SEZ6L: variants seen among roughly 807,000 people sequenced by gnomAD.
The protein encoded by SEZ6L is seizure related 6 homolog like.
SEZ6L carries 37 observed loss-of-function variants against 106.2 expected under a neutral mutation model. The ratio of observed to expected loss-of-function variants is 0.35; its 90% CI spans 0.27 to 0.46. The LOEUF (loss-of-function observed/expected upper bound fraction) is 0.46, where lower values mean the gene tolerates loss of function less well. Ranked by LOEUF, SEZ6L falls within the 20% of genes least tolerant of loss-of-function variation. The pLI, the probability that SEZ6L is intolerant of heterozygous loss-of-function variation, is 1.00. For synonymous variants in SEZ6L, 541 were observed against 570.4 expected, an observed-to-expected ratio of 0.95 and a Z score of 0.73; for missense variants, 1,172 against 1,332.8, an observed-to-expected ratio of 0.88 and a Z score of 1.88.
chr22:26,177,969 C>T (rs1939132627), intron 1 of SEZ6L, among the ~76,000 whole-genome samples: 1 of 152,186 alleles, frequency 6.6e-6, no homozygotes, highest in East Asian at 1.9e-4. Context: ...ACCCCTCACT[C>T]ATGTCTTCTG....
Position 26,238,659 on chromosome 22 carries a change from C to T in SEZ6L, c.95-53747C>T, listed in dbSNP as rs144382689. Among the ~76,000 whole-genome samples the T allele has an allele frequency of 1.8e-4, 27 of 152,300 alleles. 1 individual carries two copies. In the East Asian group the frequency reaches 5.0e-3, roughly 28 times the overall value. On this transcript the variant is annotated intron_variant, in intron 1 of 16. Transcript: ENST00000248933. ...TGGGCACCAACAATAAGCCAGGCTT[C>T]GCATAAGTTATTTCATTCAATATTC...
chr22:26,337,586 G>T (rs1032853248), intron 9 of SEZ6L, among the ~76,000 whole-genome samples: 7 of 152,146 alleles, frequency 4.6e-5, no homozygotes, highest in Non-Finnish European at 8.8e-5. Context: ...CTCTCTGGGA[G>T]GCTCTTTCAT....
At position 26,380,304 on chromosome 22, in the gene SEZ6L, A is replaced by G. The variant is rs1377441135; in HGVS notation, c.*9A>G. 6.2e-7 allele frequency: 1 copy of G among 1,612,324 alleles called. No individual in the cohort carries two copies. The highest frequency in any genetic ancestry group is 2.2e-5 in the East Asian group (1 of 44,872). On this transcript the variant is annotated 3_prime_UTR_variant, in exon 17 of 17. Coordinates refer to ENST00000248933, the MANE Select transcript of SEZ6L (RefSeq NM_021115.5). Reference sequence around the variant, plus strand: ...ATGAGGTTTCTATCTAAAGAGAGCTACACTTGAGAAGGGGACTTGTGAACT... The same window carrying G: ...ATGAGGTTTCTATCTAAAGAGAGCTGCACTTGAGAAGGGGACTTGTGAACT...
chr22:26,261,333 C>T (rs369475562), intron 1 of SEZ6L, among the ~76,000 whole-genome samples: 63 of 152,224 alleles, frequency 4.1e-4, no homozygotes, highest in African/African-American at 1.4e-3. Context: ...AAGGGTTATT[C>T]GATGTATCTT....
In SEZ6L at chr22:26,299,135, G is replaced by A. The variant is rs778009245; in HGVS notation, c.1314G>A (p.Lys438=). The part of the protein sequence containing the change: ...AKMLTCINAS[K]PHWSSQEPIC... ...TGCTGACATGCATCAATGCCTCCAA[G>A]CCGCACTGGAGCAGCCAGGAGCCCA... is the stretch of plus-strand genomic sequence containing the variant. Residue 438 remains lysine (K), a synonymous_variant, in exon 5 of 17, where the codon AAG becomes AAA. Transcript: ENST00000248933. 5.4e-5 allele frequency: 85 copies of A among 1,579,494 alleles called. No individual in the cohort carries two copies. The highest frequency in any genetic ancestry group is 6.8e-5 in the Non-Finnish European group (79 of 1,161,998).
intron 9 of SEZ6L, among the ~76,000 whole-genome samples, chr22:26,328,315 G>T (rs1308538320): frequency 6.6e-6 from 1 of 152,122 alleles, no homozygotes; most frequent in East Asian, 1.9e-4. Flanking sequence ...AATAGTTTTT[G>T]TAATAGAGGA....
Position 26,310,852 on chromosome 22 carries a change from A to T in SEZ6L, c.1681+16A>T. 1 of 1,611,976 alleles carries T rather than the reference A, an allele frequency of 6.2e-7. No individual in the cohort carries two copies. Among genetic ancestry groups the T allele is most frequent in the East Asian group, 2.2e-5 (1 of 44,830 alleles). On this transcript the variant is annotated intron_variant, in intron 7 of 16. Coordinates refer to ENST00000248933, the MANE Select transcript of SEZ6L (RefSeq NM_021115.5). ...CGATTTGAAGGTGAGGGTCCCTGGG[A>T]GCTTCCCTTTCTCTTGTGGGGCTGG...
intron 1 of SEZ6L, among the ~76,000 whole-genome samples, chr22:26,199,670 T>C (rs1328777887): frequency 2.6e-5 from 4 of 152,184 alleles, no homozygotes; most frequent in Non-Finnish European, 5.9e-5. Flanking sequence ...GAGGCAAGGA[T>C]TCATTTCAGA....
intron 1 of SEZ6L, among the ~76,000 whole-genome samples, chr22:26,218,534 G>A (rs1569390029): frequency 6.6e-6 from 1 of 152,244 alleles, no homozygotes; most frequent in Non-Finnish European, 1.5e-5. Context: ...GGGCGTGGTG[G>A]CTTACGCCTA....
At position 26,306,018 on chromosome 22, in the gene SEZ6L, G is replaced by T; in HGVS notation, c.1388G>T (p.Arg463Leu). The change falls in exon 6 of 17, where the codon CGC becomes CTC. Residue 463 changes from arginine to leucine, a missense_variant. Arg to Leu is a moderately radical substitution (Grantham distance 102). This residue lies in a region of SEZ6L where 534 missense variants were observed against 691.0 expected (regional missense o/e 0.77). Coordinates refer to ENST00000248933, the MANE Select transcript of SEZ6L (RefSeq NM_021115.5). ...GCAGTGCACAATGCCACCATCGGCC[G>T]CGTCCTCTCCCCAAGTTACCCTGAA... is the stretch of plus-strand genomic sequence containing the variant. ...GGAVHNATIG[R>L]VLSPSYPENT... 3.3e-6 allele frequency: 5 copies of T among 1,534,422 alleles called. No individual in the cohort carries two copies. Among genetic ancestry groups the T allele is most frequent in the Non-Finnish European group, 4.4e-6 (5 of 1,132,626 alleles).
At chr22:26,198,039 CA>C (rs1940692613) in intron 1 of SEZ6L, among the ~76,000 whole-genome samples, 1 of 152,166 alleles carries the variant, frequency 6.6e-6, no homozygotes. Context: ...TGGACTGGGG[CA>C]AAAGGAGAAG....
At chr22:26,369,916 C>A (rs899368083) in intron 13 of SEZ6L, among the ~76,000 whole-genome samples, 21 of 152,236 alleles carry the variant, frequency 1.4e-4, no homozygotes, top group Admixed American at 1.2e-3. Flanking sequence ...CATACCCGAC[C>A]TGAATTTATT....
At chr22:26,335,367 T>G (rs933129428) in intron 9 of SEZ6L, among the ~76,000 whole-genome samples, 3 of 152,220 alleles carry the variant, frequency 2.0e-5, no homozygotes, top group Non-Finnish European at 2.9e-5. Flanking sequence ...TCTGAAAATC[T>G]TATAACCCTA....
intron 1 of SEZ6L, among the ~76,000 whole-genome samples, chr22:26,217,896 C>T (rs184759763): frequency 9.8e-5 from 15 of 152,348 alleles, no homozygotes; most frequent in Admixed American, 9.2e-4. Flanking sequence ...GAATTCTGAA[C>T]GTAGAAGACA....
chr22:26,343,442 G>A (rs1450845736), intron 10 of SEZ6L, among the ~76,000 whole-genome samples: 3 of 152,110 alleles, frequency 2.0e-5, no homozygotes, highest in Admixed American at 6.6e-5. Context: ...GTTCATTGAA[G>A]TTGAAACTTT....
At chr22:26,350,956 A>T in intron 11 of SEZ6L, 96 bp from the exon 12 acceptor site, 1 of 1,355,846 alleles carries the variant, frequency 7.4e-7, no homozygotes, top group Non-Finnish European at 1.0e-6. Flanking sequence ...GCACCCGGCC[A>T]AGTTAGGAAA....
intron 12 of SEZ6L, among the ~76,000 whole-genome samples, chr22:26,353,115 A>G (rs2083331285): frequency 1.3e-5 from 2 of 152,248 alleles, no homozygotes; most frequent in Non-Finnish European, 2.9e-5. Flanking sequence ...TTCTTGGACC[A>G]CACAGCCCTG....
At chr22:26,274,086 T>C (rs2080460719) in intron 1 of SEZ6L, among the ~76,000 whole-genome samples, 1 of 152,204 alleles carries the variant, frequency 6.6e-6, no homozygotes, top group Admixed American at 6.5e-5. Context: ...GAACTTTCTG[T>C]CCAGTGCTTT....
At chr22:26,214,383 A>G (rs1465003381) in intron 1 of SEZ6L, among the ~76,000 whole-genome samples, 4 of 152,172 alleles carry the variant, frequency 2.6e-5, no homozygotes. Context: ...ACGGAAAAGA[A>G]CCAATAAACG....
Sources: allele counts gnomAD v4.1 joint callset (sites outside exome capture counted in the v4.1 genomes callset), GRCh38; gene constraint gnomAD v4.1.1; regional missense constraint gnomAD v4.1.1; transcripts MANE v1.5; gene names NCBI Gene and HGNC (gene_info 2026-07-23, HGNC 2026-07-21).